Variants in CADM2 observed in about 807,000 individuals in gnomAD.
CADM2 encodes cell adhesion molecule 2, also known as immunoglobulin superfamily member 4D.
Under a neutral mutation model 49.8 loss-of-function variants are expected in CADM2, and 12 were observed. That is an observed-to-expected ratio of 0.24 (90% CI 0.15 to 0.39). The LOEUF is 0.39. Among genes scored for constraint, CADM2 ranks in the 10% least tolerant of loss-of-function variants. The pLI is 1.00. For synonymous variants in CADM2, 214 were observed against 175.4 expected (o/e 1.22, Z -1.74); for missense variants, 378 against 492.3 (o/e 0.77, Z 2.20).
At chr3:85,501,622 A>G (rs1018904292) in intron 1 of CADM2, among the ~76,000 whole-genome samples, 4 of 152,142 alleles carry the variant, frequency 2.6e-5, no homozygotes, top group African/African-American at 9.6e-5. Flanking sequence ...AGAGAATAAC[A>G]ATATATTTAT....
intron 1 of CADM2, among the ~76,000 whole-genome samples, chr3:85,556,141 A>G (rs1164722944): frequency 6.6e-6 from 1 of 152,158 alleles, no homozygotes; most frequent in African/African-American, 2.4e-5. Flanking sequence ...CAGTAGATTA[A>G]CCTATAGTTC....
At chr3:85,908,495 T>A (rs1054528188) in intron 5 of CADM2, among the ~76,000 whole-genome samples, 1 of 151,816 alleles carries the variant, frequency 6.6e-6, no homozygotes, top group Non-Finnish European at 1.5e-5. Flanking sequence ...CCAAGAAATA[T>A]TTAGGCAGCT....
intron 1 of CADM2, among the ~76,000 whole-genome samples, chr3:84,993,291 A>T (rs577418308): frequency 4.5e-4 from 69 of 152,270 alleles, no homozygotes; most frequent in African/African-American, 1.6e-3. Flanking sequence ...TACAGTGACA[A>T]AAGGGATTTA....
rs1739397061 is a variant in CADM2 at position 86,066,869 on chromosome 3, C to G, written c.*86C>G. On this transcript the variant is annotated 3_prime_UTR_variant, in exon 10 of 10. Coordinates refer to ENST00000383699, the MANE Select transcript of CADM2 (RefSeq NM_001167675.2). ...ATCTTTCAGAAGTCATTTCTACCAT[C>G]GTCTGCTACCCTTATTAACTCCCAT... The G allele has an allele frequency of 2.3e-6, 2 of 874,632 alleles. No homozygotes were observed. Among genetic ancestry groups the G allele is most frequent in the Admixed American group, 3.5e-5 (2 of 57,056 alleles). The allele number at this position is 874,632 out of a possible 1,614,324, so 54.2% of individuals were successfully genotyped here.
intron 2 of CADM2, among the ~76,000 whole-genome samples, chr3:85,770,327 A>T (rs978230363): frequency 6.6e-6 from 1 of 152,046 alleles, no homozygotes; most frequent in Admixed American, 6.6e-5. Flanking sequence ...TTGTTGTTTG[A>T]GATAGGGCCT....
chr3:85,776,950 T>C (rs1401158186), intron 2 of CADM2, among the ~76,000 whole-genome samples: 1 of 152,096 alleles, frequency 6.6e-6, no homozygotes, highest in Non-Finnish European at 1.5e-5. Context: ...TAATTTGATA[T>C]GGTCTTTGAA....
chr3:85,508,622 A>G (rs1237334517), intron 1 of CADM2, among the ~76,000 whole-genome samples: 1 of 152,220 alleles, frequency 6.6e-6, no homozygotes, highest in Non-Finnish European at 1.5e-5. Context: ...CTAGAAGATT[A>G]GTATCTCCTT....
intron 7 of CADM2, among the ~76,000 whole-genome samples, chr3:85,959,729 C>T (rs950838948): frequency 6.6e-6 from 1 of 151,806 alleles, no homozygotes; most frequent in African/African-American, 2.4e-5. Context: ...AAATACTTAC[C>T]ATTGTGTTAC....
chr3:85,406,724 C>T (rs566727283), intron 1 of CADM2, among the ~76,000 whole-genome samples: 14 of 152,074 alleles, frequency 9.2e-5, no homozygotes, highest in African/African-American at 3.4e-4. Flanking sequence ...TTTTCATACT[C>T]GGTCACAAAA....
At chr3:85,009,190 A>G (rs2107245018) in intron 1 of CADM2, among the ~76,000 whole-genome samples, 1 of 152,308 alleles carries the variant, frequency 6.6e-6, no homozygotes, top group South Asian at 2.1e-4. Context: ...CTAGCATATG[A>G]TGCTTGTCTT....
intron 1 of CADM2, among the ~76,000 whole-genome samples, chr3:85,567,114 A>G (rs1423556765): frequency 6.6e-6 from 1 of 152,150 alleles, no homozygotes; most frequent in Non-Finnish European, 1.5e-5. Flanking sequence ...TCCTGCAGTT[A>G]ATGACTATTT....
chr3:85,455,954 G>A (rs1289983144), intron 1 of CADM2, among the ~76,000 whole-genome samples: 1 of 152,120 alleles, frequency 6.6e-6, no homozygotes, highest in Non-Finnish European at 1.5e-5. Flanking sequence ...TATATGAAAT[G>A]AAAGCTATTA....
rs887672386 is a variant in CADM2 at position 85,448,116 on chromosome 3, G to A, written c.62-278406G>A. On this transcript the variant is annotated intron_variant, in intron 1 of 9. Transcript: ENST00000383699. ...GAAGGGCGAGGCGGGCGGATCACGA[G>A]GTCAGCAGATCAAAACCATCCTGGC... 5.9e-5 allele frequency among the ~76,000 whole-genome samples: 9 copies of A among 152,132 alleles called. No homozygotes were observed. The East Asian group carries it at 1.7e-3, about 30-fold the overall frequency.
chr3:85,556,519 A>G (rs2061963182), intron 1 of CADM2, among the ~76,000 whole-genome samples: 1 of 152,200 alleles, frequency 6.6e-6, no homozygotes, highest in South Asian at 2.1e-4. Context: ...GTAAATTAAA[A>G]GAGCTATGGA....
At chr3:85,061,836 A>T (rs6549012) in intron 1 of CADM2, among the ~76,000 whole-genome samples, 89,662 of 151,904 alleles carry the variant, frequency 0.59, 27,286 homozygotes, top group Middle Eastern at 0.65. Flanking sequence ...ATTACTTAAT[A>T]GTTGATTTGC....
At chr3:85,784,504 GAAGA>G (rs1363464072) in intron 2 of CADM2, among the ~76,000 whole-genome samples, 3 of 150,446 alleles carry the variant, frequency 2.0e-5, no homozygotes, top group East Asian at 1.9e-4. Flanking sequence ...GTGTAGCTGA[GAAGA>G]AAGAAAGAGA....
At chr3:85,355,508 C>A (rs113089987) in intron 1 of CADM2, among the ~76,000 whole-genome samples, 369 of 152,096 alleles carry the variant, frequency 2.4e-3, no homozygotes, top group Non-Finnish European at 4.4e-3. Context: ...TAGAAGTTAA[C>A]AAGAGATTTT....
chr3:85,506,135 A>G (rs1034298319), intron 1 of CADM2, among the ~76,000 whole-genome samples: 7 of 152,200 alleles, frequency 4.6e-5, no homozygotes, highest in African/African-American at 1.4e-4. Context: ...TATTTTCATC[A>G]TCATTATTTG....
chr3:85,256,030 C>T (rs146300869), intron 1 of CADM2, among the ~76,000 whole-genome samples: 2,586 of 152,114 alleles, frequency 0.017, 25 homozygotes, highest in Non-Finnish European at 0.024. Flanking sequence ...TACGCATCAT[C>T]ATAAGGAATT....
Sources: gnomAD v4.1 joint callset for allele counts (sites outside exome capture counted in the v4.1 genomes callset) on GRCh38, gnomAD v4.1.1 for gene constraint, MANE v1.5 for transcripts, NCBI Gene and HGNC (gene_info 2026-07-23, HGNC 2026-07-21) for gene names.